ANK3: variants seen among roughly 807,000 people sequenced by gnomAD.
The protein encoded by ANK3 is ankyrin-3.
A neutral mutation model predicts 370.9 loss-of-function variants in ANK3; 57 were observed. The ratio of observed to expected loss-of-function variants is 0.15; its 90% CI spans 0.12 to 0.19. The LOEUF is 0.19. Among genes scored for constraint, ANK3 ranks in the 10% least tolerant of loss-of-function variants. ANK3 has a pLI of 1.00. For synonymous variants in ANK3, 1,929 were observed against 1,946.3 expected, an observed-to-expected ratio of 0.99 and a Z score of 0.23; for missense variants, 4,439 against 5,302.1, an observed-to-expected ratio of 0.84 and a Z score of 5.06.
Position 60,234,762 on chromosome 10 carries a change from C to A in ANK3, c.823G>T (p.Ala275Ser). ...ARNDITPLHV[A>S]SKRGNANMVK... ...ATATTTGCATTTCCTCTTTTTGATG[C>A]AACATGTAAAGGAGTGATGTCATTC... The change falls in exon 8 of 44, where the codon GCA (alanine) becomes TCA (serine). Residue 275 changes from alanine to serine, a missense_variant. By Grantham distance (99) the Ala-to-Ser change is moderately conservative. Transcript: ENST00000280772. The A allele has an allele frequency of 6.2e-7, 1 of 1,612,298 alleles. No homozygotes were observed. The highest frequency in any genetic ancestry group is 1.1e-5 in the South Asian group (1 of 90,974).
At chr10:60,438,259 A>ATATG (rs770334932) in intron 2 of ANK3, among the ~76,000 whole-genome samples, 37 of 151,914 alleles carry the variant, frequency 2.4e-4, no homozygotes, top group Admixed American at 9.8e-4. Flanking sequence ...ACATATATAT[A>ATATG]TATGTATGTA....
intron 26 of ANK3, among the ~76,000 whole-genome samples, chr10:60,109,535 C>T (rs2092519933): frequency 6.6e-6 from 1 of 152,044 alleles, no homozygotes; most frequent in East Asian, 1.9e-4. Flanking sequence ...TTTAATCATA[C>T]CAACACTAAT....
chr10:60,278,265 T>C (rs1032242937), intron 4 of ANK3, among the ~76,000 whole-genome samples: 7 of 152,224 alleles, frequency 4.6e-5, no homozygotes, highest in African/African-American at 1.7e-4. Flanking sequence ...AGATACCCTT[T>C]AAACATTTGT....
chr10:60,140,021 T>G, intron 23 of ANK3: 1 of 349,722 alleles, frequency 2.9e-6, no homozygotes, highest in Non-Finnish European at 5.1e-6. Context: ...GCCAAGAGAT[T>G]GCAAAAGTGT....
intron 1 of ANK3, among the ~76,000 whole-genome samples, chr10:60,303,604 A>T (rs1197819624): frequency 6.6e-6 from 1 of 152,198 alleles, no homozygotes; most frequent in African/African-American, 2.4e-5. Context: ...GTTGGTGAGG[A>T]TGCAGAGAAA....
chr10:60,419,365 T>C (rs1467827628), intron 2 of ANK3, among the ~76,000 whole-genome samples: 3 of 152,102 alleles, frequency 2.0e-5, no homozygotes, highest in Non-Finnish European at 2.9e-5. Context: ...TCTGACAGTC[T>C]ATAACTGTAT....
At chr10:60,518,314 T>A (rs1020139708) in intron 2 of ANK3, among the ~76,000 whole-genome samples, 20 of 152,138 alleles carry the variant, frequency 1.3e-4, no homozygotes, top group Non-Finnish European at 2.8e-4. Flanking sequence ...GCAGATGAGA[T>A]GCTCCCAGTG....
intron 4 of ANK3, among the ~76,000 whole-genome samples, chr10:60,272,940 C>T (rs1592849763): frequency 1.3e-5 from 2 of 152,192 alleles, no homozygotes; most frequent in East Asian, 3.8e-4. Context: ...ACATCTCTGG[C>T]TCTAGTGAGT....
intron 7 of ANK3, among the ~76,000 whole-genome samples, chr10:60,247,587 T>G (rs2097576687): frequency 6.6e-6 from 1 of 152,152 alleles, no homozygotes; most frequent in African/African-American, 2.4e-5. Flanking sequence ...CTATAGATAT[T>G]ATAGATACCT....
chr10:60,476,361 A>G (rs559515537), intron 2 of ANK3, among the ~76,000 whole-genome samples: 8 of 152,304 alleles, frequency 5.3e-5, no homozygotes, highest in Admixed American at 3.9e-4. Flanking sequence ...AGGATAAACA[A>G]TAATATAATT....
chr10:60,032,622 T>C (rs1289545947), intron 43 of ANK3, among the ~76,000 whole-genome samples: 1 of 152,210 alleles, frequency 6.6e-6, no homozygotes, highest in Non-Finnish European at 1.5e-5. Flanking sequence ...AGCAAGGCCT[T>C]TCTCTTCTCA....
At chr10:60,583,513 T>G (rs971898719) in intron 2 of ANK3, among the ~76,000 whole-genome samples, 2 of 122,736 alleles carry the variant, frequency 1.6e-5, no homozygotes, top group African/African-American at 5.7e-5. Context: ...GGTTTTTTGT[T>G]TTTTGTTTTT....
chr10:60,387,354 A>C (rs1412959406), intron 1 of ANK3, among the ~76,000 whole-genome samples: 3 of 152,158 alleles, frequency 2.0e-5, no homozygotes, highest in African/African-American at 7.2e-5. Context: ...ATAACAATTC[A>C]CTTTATAGAG....
At chr10:60,596,047 C>T (rs561354367) in intron 2 of ANK3, among the ~76,000 whole-genome samples, 23 of 152,212 alleles carry the variant, frequency 1.5e-4, no homozygotes, top group South Asian at 1.5e-3. Context: ...CCTAACAGCA[C>T]GCCTGCAGTA....
intron 9 of ANK3, among the ~76,000 whole-genome samples, chr10:60,209,175 A>T (rs1336092203): frequency 1.3e-5 from 2 of 152,244 alleles, no homozygotes; most frequent in Admixed American, 6.5e-5. Flanking sequence ...GAATTCAATT[A>T]TCAAGAGAGG....
intron 1 of ANK3, among the ~76,000 whole-genome samples, chr10:60,309,316 C>G (rs1254802752): frequency 6.6e-6 from 1 of 152,118 alleles, no homozygotes; most frequent in Admixed American, 6.5e-5. Context: ...TTCATATGTT[C>G]TTGAATATAT....
chr10:60,521,068 G>C (rs1023431526), intron 2 of ANK3, among the ~76,000 whole-genome samples: 2 of 151,866 alleles, frequency 1.3e-5, no homozygotes, highest in Non-Finnish European at 2.9e-5. Flanking sequence ...GTTGTCAAGT[G>C]TTATCTATTT....
At chr10:60,550,344 G>T (rs910842893) in intron 2 of ANK3, among the ~76,000 whole-genome samples, 1 of 151,838 alleles carries the variant, frequency 6.6e-6, no homozygotes, top group Admixed American at 6.6e-5. Flanking sequence ...AGAAGCATTT[G>T]CCATGTGTGA....
chr10:60,082,200 A>G, intron 34 of ANK3, 24 bp from the exon 35 acceptor site: 1 of 1,599,446 alleles, frequency 6.3e-7, no homozygotes, highest in Non-Finnish European at 8.6e-7. Flanking sequence ...GATGCATTGC[A>G]GAGACAAGGA....
Sources: gnomAD v4.1 joint callset for allele counts (sites outside exome capture counted in the v4.1 genomes callset) on GRCh38, gnomAD v4.1.1 for gene constraint, MANE v1.5 for transcripts, NCBI Gene and HGNC (gene_info 2026-07-23, HGNC 2026-07-21) for gene names.